The following FOXP1 variants were observed in gnomAD, a reference collection of about 807,000 sequenced individuals.
FOXP1 encodes forkhead box P1, also known as forkhead box protein P1.
Under a neutral mutation model 98.2 loss-of-function variants are expected in FOXP1, and 15 were observed. The ratio of observed to expected loss-of-function variants is 0.15; its 90% CI spans 0.10 to 0.24. The LOEUF (loss-of-function observed/expected upper bound fraction) is 0.24, where lower values mean the gene tolerates loss of function less well. Among genes scored for constraint, FOXP1 ranks in the 10% least tolerant of loss-of-function variants. The pLI is 1.00. For synonymous variants in FOXP1, 371 were observed against 314.5 expected (o/e 1.18, Z -1.90); for missense variants, 633 against 848.5 (o/e 0.75, Z 3.15).
intron 5 of FOXP1, among the ~76,000 whole-genome samples, chr3:71,219,862 C>T (rs2065221258): frequency 4.6e-5 from 1 of 21,942 alleles, no homozygotes; most frequent in Non-Finnish European, 7.8e-5. Flanking sequence ...CAGTGCTCTC[C>T]CCACTCTCTC....
intron 5 of FOXP1, among the ~76,000 whole-genome samples, chr3:71,292,991 G>A (rs559970313): frequency 5.3e-5 from 8 of 152,242 alleles, no homozygotes; most frequent in Admixed American, 2.0e-4. Context: ...ACTTTTAAAT[G>A]GGCTCATAAA....
In FOXP1 at chr3:71,456,613, T is replaced by C. The variant is rs575715529; in HGVS notation, c.-168+36813A>G. Among the ~76,000 whole-genome samples, 5 of 152,294 alleles carry C rather than the reference T, an allele frequency of 3.3e-5. No individual in the cohort carries two copies. In the South Asian group the frequency reaches 1.0e-3, roughly 32 times the overall value. On this transcript the variant is annotated intron_variant, in intron 3 of 20. Coordinates refer to ENST00000649528, the MANE Select transcript of FOXP1 (RefSeq NM_001349338.3). Reference sequence around the variant, plus strand: ...GACTCAGGACAATGTATTTGTCTTCTTCAACATCACTTTCTTGTCTGGAAG... The same window carrying C: ...GACTCAGGACAATGTATTTGTCTTCCTCAACATCACTTTCTTGTCTGGAAG...
rs60051890 is a variant in FOXP1, at chr3:71,336,010, C to CAA, written c.-73+23138_-73+23139dup. Among the ~76,000 whole-genome samples the CAA allele has an allele frequency of 3.9e-3, 133 of 34,104 alleles. 7 individuals are homozygous for CAA. The highest frequency in any genetic ancestry group is 0.016 in the African/African-American group (108 of 6,894). The allele number at this position is 34,104 out of a possible 152,430, so 22.4% of individuals were successfully genotyped here. On this transcript the variant is annotated intron_variant, in intron 4 of 20. Coordinates refer to ENST00000649528, the MANE Select transcript of FOXP1 (RefSeq NM_001349338.3). The stretch of plus-strand genomic sequence containing the variant: ...GGGCAATAACAGCGAAACTCCATCT[C>CAA]AAAAAAAAAAAAAAAAAAAAAAAAA...
chr3:71,325,911 T>C (rs1005273390), intron 4 of FOXP1, among the ~76,000 whole-genome samples: 2 of 152,198 alleles, frequency 1.3e-5, no homozygotes, highest in African/African-American at 2.4e-5. Flanking sequence ...GCCTGATGAA[T>C]GTATTCTTTG....
At chr3:70,978,298 G>A (rs2038032055) in intron 14 of FOXP1, among the ~76,000 whole-genome samples, 1 of 152,196 alleles carries the variant, frequency 6.6e-6, no homozygotes, top group South Asian at 2.1e-4. Flanking sequence ...CTGAGGGAGT[G>A]TGAGAAACCC....
chr3:71,025,305 T>C (rs2045963288), intron 11 of FOXP1, among the ~76,000 whole-genome samples: 1 of 152,074 alleles, frequency 6.6e-6, no homozygotes, highest in Admixed American at 6.5e-5. Context: ...ATTACAGATA[T>C]AAATCCGATT....
At chr3:71,331,819 C>A (rs2076335161) in intron 4 of FOXP1, among the ~76,000 whole-genome samples, 1 of 152,176 alleles carries the variant, frequency 6.6e-6, no homozygotes, top group Non-Finnish European at 1.5e-5. Context: ...GTCAACACAC[C>A]AATCAGCACC....
intron 5 of FOXP1, among the ~76,000 whole-genome samples, chr3:71,212,796 G>A (rs1208230815): frequency 1.3e-5 from 2 of 152,026 alleles, no homozygotes; most frequent in African/African-American, 2.4e-5. Flanking sequence ...ACACTTCTAA[G>A]AGCTCATTTT....
intron 14 of FOXP1, among the ~76,000 whole-genome samples, chr3:70,987,517 G>T (rs1368240759): frequency 6.6e-6 from 1 of 152,142 alleles, no homozygotes; most frequent in African/African-American, 2.4e-5. Context: ...TCCAACACTA[G>T]GTTTCCTATG....
chr3:71,432,205 C>T (rs534516371), intron 3 of FOXP1, among the ~76,000 whole-genome samples: 1 of 152,348 alleles, frequency 6.6e-6, no homozygotes, highest in East Asian at 1.9e-4. Context: ...CAACCACTGA[C>T]GACTGTGGTG....
intron 4 of FOXP1, among the ~76,000 whole-genome samples, chr3:71,357,590 GC>G (rs1386605571): frequency 6.6e-6 from 1 of 152,188 alleles, no homozygotes; most frequent in Non-Finnish European, 1.5e-5. Flanking sequence ...GTCTAAGGAT[GC>G]ATTTCCCAGA....
chr3:71,294,990 G>A (rs973079587), intron 5 of FOXP1, among the ~76,000 whole-genome samples: 2 of 152,176 alleles, frequency 1.3e-5, no homozygotes, highest in African/African-American at 2.4e-5. Flanking sequence ...GTTGTTTCAC[G>A]AGAGAAGTAG....
At chr3:71,365,766 C>G (rs146279468) in intron 3 of FOXP1, among the ~76,000 whole-genome samples, 49 of 152,266 alleles carry the variant, frequency 3.2e-4, no homozygotes, top group Admixed American at 3.2e-3. Context: ...CGGCAGATCA[C>G]GAGGTCAAGA....
At chr3:71,453,098 C>A (rs1354725709) in intron 3 of FOXP1, among the ~76,000 whole-genome samples, 4 of 152,074 alleles carry the variant, frequency 2.6e-5, no homozygotes, top group Admixed American at 2.6e-4. Flanking sequence ...AGTTTCAGCC[C>A]CCTGTAATAC....
intron 4 of FOXP1, among the ~76,000 whole-genome samples, chr3:71,325,719 G>C (rs964759414): frequency 6.6e-6 from 1 of 151,844 alleles, no homozygotes; most frequent in African/African-American, 2.4e-5. Context: ...TGTTGTCCAG[G>C]CTGAAGTGCA....
chr3:70,977,507 G>A (rs2037812433), intron 16 of FOXP1, 136 bp downstream of exon 16: 1 of 697,978 alleles, frequency 1.4e-6, no homozygotes, highest in South Asian at 1.6e-5. Context: ...GTTATATATT[G>A]CAGTTTTAAA....
At chr3:71,501,293 C>CT (rs763654842) in intron 2 of FOXP1, among the ~76,000 whole-genome samples, 2,475 of 129,704 alleles carry the variant, frequency 0.019, 53 homozygotes, top group East Asian at 0.051. Context: ...AAATGCTTTT[C>CT]TTTTTTTTTT....
At chr3:71,037,045 GGTTA>G (rs1248411940) in intron 11 of FOXP1, among the ~76,000 whole-genome samples, 1 of 152,024 alleles carries the variant, frequency 6.6e-6, no homozygotes, top group African/African-American at 2.4e-5. Flanking sequence ...TATGACCCTG[GGTTA>G]GTTATTTAAT....
At chr3:71,232,877 C>CAAAACAAAAAAAAAA (rs528237968) in intron 5 of FOXP1, among the ~76,000 whole-genome samples, 3 of 31,422 alleles carry the variant, frequency 9.5e-5, no homozygotes, top group Admixed American at 5.2e-4. Context: ...AACTCTGTCT[C>CAAAACAAAAAAAAAA]AAAAAAAAAA....
Sources: allele counts gnomAD v4.1 joint callset (sites outside exome capture counted in the v4.1 genomes callset), GRCh38; gene constraint gnomAD v4.1.1; transcripts MANE v1.5; gene names NCBI Gene and HGNC (gene_info 2026-07-23, HGNC 2026-07-21).